The following MAML2 variants were observed in gnomAD, a reference collection of about 807,000 sequenced individuals.
The protein encoded by MAML2 is mastermind like transcriptional coactivator 2.
A neutral mutation model predicts 96.1 loss-of-function variants in MAML2; 22 were observed. That is an observed-to-expected ratio of 0.23 (90% CI 0.16 to 0.33). The LOEUF (loss-of-function observed/expected upper bound fraction) is 0.33, where lower values mean the gene tolerates loss of function less well. Among genes scored for constraint, MAML2 ranks in the 10% least tolerant of loss-of-function variants. MAML2 has a pLI of 1.00. For synonymous variants in MAML2, 561 were observed against 521.3 expected, an observed-to-expected ratio of 1.08 and a Z score of -1.04; for missense variants, 1,367 against 1,392.4, an observed-to-expected ratio of 0.98 and a Z score of 0.29.
At chr11:96,322,984 T>G (rs1863727364) in intron 1 of MAML2, among the ~76,000 whole-genome samples, 1 of 152,074 alleles carries the variant, frequency 6.6e-6, no homozygotes, top group Admixed American at 6.6e-5. Flanking sequence ...GACGAAACTG[T>G]GGAATGCGTC....
rs35124521 is a variant in MAML2 at position 96,202,177 on chromosome 11, CAAAAAAA to C, written c.514-108667_514-108661del. ...TGAAACCCTGTCTCTACTAAAAATA[CAAAAAAA>C]AAAAAAAAAAAAAAAAATTAGCCGG... is the stretch of plus-strand genomic sequence containing the variant. On this transcript the variant is annotated intron_variant, in intron 1 of 4. Coordinates refer to ENST00000524717, the MANE Select transcript of MAML2 (RefSeq NM_032427.4). 3.3e-4 allele frequency among the ~76,000 whole-genome samples: 25 copies of C among 75,862 alleles called. 1 individual carries two copies. The highest frequency in any genetic ancestry group is 6.0e-4 in the African/African-American group (10 of 16,774). The allele number at this position is 75,862 out of a possible 152,430, so 49.8% of individuals were successfully genotyped here.
chr11:96,017,794 C>T (rs957198352), intron 2 of MAML2, among the ~76,000 whole-genome samples: 1 of 152,098 alleles, frequency 6.6e-6, no homozygotes, highest in Non-Finnish European at 1.5e-5. Context: ...GGCCACTGTG[C>T]TGCTGTGCAA....
intron 1 of MAML2, among the ~76,000 whole-genome samples, chr11:96,098,505 C>A (rs1223756243): frequency 6.6e-6 from 1 of 152,222 alleles, no homozygotes; most frequent in Non-Finnish European, 1.5e-5. Context: ...ATCACCCTTT[C>A]ACTGGCCATC....
chr11:96,265,809 C>T (rs770019878), intron 1 of MAML2, among the ~76,000 whole-genome samples: 4 of 152,210 alleles, frequency 2.6e-5, no homozygotes, highest in Non-Finnish European at 5.9e-5. Flanking sequence ...AGCGGCCCAA[C>T]TTATGGGGAA....
At chr11:96,196,404 C>T (rs113277088) in intron 1 of MAML2, among the ~76,000 whole-genome samples, 1 of 152,330 alleles carries the variant, frequency 6.6e-6, no homozygotes, top group African/African-American at 2.4e-5. Context: ...AACCCCTCCT[C>T]TTGGGGAAAT....
chr11:95,981,277 C>G (rs1266238442), intron 4 of MAML2, among the ~76,000 whole-genome samples: 1 of 152,166 alleles, frequency 6.6e-6, no homozygotes, highest in Non-Finnish European at 1.5e-5. Flanking sequence ...AGTGCCTAAG[C>G]CACAGGCTGT....
intron 1 of MAML2, among the ~76,000 whole-genome samples, chr11:96,158,057 T>C (rs1016729389): frequency 2.0e-5 from 3 of 152,218 alleles, no homozygotes; most frequent in Admixed American, 1.3e-4. Flanking sequence ...AAAAGAAATA[T>C]AAATCATATT....
chr11:96,077,219 C>CTCTTTTT lies in MAML2; in HGVS notation c.2139+14672_2139+14673insAAAAAGA, dbSNP rs1555005491. Among the ~76,000 whole-genome samples, 125 of 94,136 alleles carry CTCTTTTT rather than the reference C, an allele frequency of 1.3e-3. 1 individual carries two copies. Among genetic ancestry groups the CTCTTTTT allele is most frequent in the Middle Eastern group, 9.6e-3 (1 of 104 alleles). 61.8% of individuals were successfully genotyped at this position (94,136 alleles called of 152,430 possible). ...GACTTTTTACCCCAACTCTCTCTCT[C>CTCTTTTT]TTTTTTTTTTTTTTTTTTTTAAAGA... On this transcript the variant is annotated intron_variant, in intron 2 of 4. Transcript: ENST00000524717.
chr11:96,171,250 T>C (rs1410336692), intron 1 of MAML2, among the ~76,000 whole-genome samples: 3 of 152,186 alleles, frequency 2.0e-5, no homozygotes, highest in Non-Finnish European at 2.9e-5. Context: ...CTCTTCATTG[T>C]CTGCGATTAT....
chr11:96,062,234 TATA>T lies in MAML2; in HGVS notation c.2139+29655_2139+29657del, dbSNP rs1489737764. 4.6e-5 allele frequency among the ~76,000 whole-genome samples: 7 copies of T among 152,316 alleles called. No homozygotes were observed. The East Asian group carries it at 1.2e-3, about 25-fold the overall frequency. ...ATTACTACAACTGTGATGTGGCATT[TATA>T]ATAAGTGCCTCAACCTCATATTGCC... On this transcript the variant is annotated intron_variant, in intron 2 of 4. Transcript: ENST00000524717.
At chr11:96,086,922 T>TG (rs1859625558) in intron 2 of MAML2, among the ~76,000 whole-genome samples, 1 of 152,170 alleles carries the variant, frequency 6.6e-6, no homozygotes, top group Non-Finnish European at 1.5e-5. Context: ...TGCCTGGGAC[T>TG]GTAGAAAACA....
chr11:96,145,862 AGCCG>A, intron 1 of MAML2, among the ~76,000 whole-genome samples: 1 of 152,294 alleles, frequency 6.6e-6, no homozygotes, highest in Non-Finnish European at 1.5e-5. Flanking sequence ...ACAAAAAATT[AGCCG>A]GGCATGGTGG....
chr11:96,057,357 G>A (rs1024939643), intron 2 of MAML2, among the ~76,000 whole-genome samples: 12 of 152,012 alleles, frequency 7.9e-5, no homozygotes, highest in East Asian at 1.9e-4. Context: ...CCAAAATAAC[G>A]TCATTTATCC....
intron 2 of MAML2, among the ~76,000 whole-genome samples, chr11:96,015,589 G>A (rs1220794139): frequency 7.6e-6 from 1 of 131,742 alleles, no homozygotes. Context: ...AAAAAAGGGG[G>A]GGGGGGCAAT....
At position 96,047,735 on chromosome 11, in the gene MAML2, C is replaced by A. The variant is rs201484536; in HGVS notation, c.2139+44157G>T. Among the ~76,000 whole-genome samples the A allele has an allele frequency of 3.0e-4, 45 of 151,676 alleles. No homozygotes were observed. In the East Asian group the frequency reaches 7.2e-3, roughly 24 times the overall value. On this transcript the variant is annotated intron_variant, in intron 2 of 4. Transcript: ENST00000524717. ...ACCAGCCTGGCCAAGATGGTGAAAC[C>A]CTGTCTCTACTAAAAATACAAAAAT...
At chr11:96,013,366 A>G (rs1213522910) in intron 2 of MAML2, among the ~76,000 whole-genome samples, 1 of 152,256 alleles carries the variant, frequency 6.6e-6, no homozygotes, top group Non-Finnish European at 1.5e-5. Flanking sequence ...TCCATCTACA[A>G]TATAAAAGCT....
intron 1 of MAML2, among the ~76,000 whole-genome samples, chr11:96,297,547 C>A (rs556830507): frequency 1.3e-5 from 2 of 152,142 alleles, no homozygotes; most frequent in South Asian, 2.1e-4. Flanking sequence ...TGCACTATAG[C>A]CTGGAGCCTG....
Position 95,979,434 on chromosome 11 carries a change from G to A in MAML2, c.2985C>T (p.Thr995=), listed in dbSNP as rs1003958742. Residue 995 remains threonine, a synonymous_variant, in exon 5 of 5, where the codon ACC becomes ACT. Coordinates refer to ENST00000524717, the MANE Select transcript of MAML2 (RefSeq NM_032427.4). ...CTGCCTGTTGCAGTGACTGATTTGG[G>A]GTATAGGCTGCAGGTGTACCTGTGG... ...RFPTGTPAAY[T]PNQSLQQAVG... 6.2e-7 allele frequency: 1 copy of A among 1,613,582 alleles called. No individual in the cohort carries two copies. Among genetic ancestry groups the A allele is most frequent in the Admixed American group, 1.7e-5 (1 of 59,936 alleles).
At chr11:96,155,545 T>C (rs1472040758) in intron 1 of MAML2, among the ~76,000 whole-genome samples, 10 of 112,526 alleles carry the variant, frequency 8.9e-5, no homozygotes, top group Non-Finnish European at 1.8e-4. Context: ...TATATATATA[T>C]ATATATGAGG....
Sources: gnomAD v4.1 joint callset for allele counts (sites outside exome capture counted in the v4.1 genomes callset) on GRCh38, gnomAD v4.1.1 for gene constraint, MANE v1.5 for transcripts, NCBI Gene and HGNC (gene_info 2026-07-23, HGNC 2026-07-21) for gene names.